Variants in SLC9A3 observed in about 807,000 individuals in gnomAD.
SLC9A3 encodes solute carrier family 9 member A3, also known as sodium/hydrogen exchanger 3.
A neutral mutation model predicts 86.8 loss-of-function variants in SLC9A3; 37 were observed. That is an observed-to-expected ratio of 0.43 (90% CI 0.33 to 0.56). The LOEUF (loss-of-function observed/expected upper bound fraction) is 0.56, where lower values mean the gene tolerates loss of function less well. SLC9A3 is among the 20% of genes least tolerant of loss of function. The probability of loss-of-function intolerance (pLI) is 0.06; values close to 1 mark genes in which losing one functional copy is unlikely to be tolerated. For missense variants in SLC9A3, 1,011 were observed against 1,171.9 expected, an observed-to-expected ratio of 0.86 and a Z score of 2.00; for synonymous variants, 581 against 528.3, an observed-to-expected ratio of 1.10 and a Z score of -1.37.
At chr5:519,335 A>C (rs1733818404) in intron 1 of SLC9A3, among the ~76,000 whole-genome samples, 1 of 152,170 alleles carries the variant, frequency 6.6e-6, no homozygotes, top group African/African-American at 2.4e-5. Flanking sequence ...GGAGAACCTA[A>C]GGGCAGTTCA....
Position 483,497 on chromosome 5 carries a change from G to C in SLC9A3, c.933-15C>G. 2 of 1,549,434 alleles carry C rather than the reference G, an allele frequency of 1.3e-6. No individual in the cohort carries two copies. The highest frequency in any genetic ancestry group is 2.7e-5 in the African/African-American group (2 of 73,336). On this transcript the variant is annotated splice_polypyrimidine_tract_variant and intron_variant, in intron 5 of 16. Transcript: ENST00000264938. The stretch of plus-strand genomic sequence containing the variant: ...AGAAGGTGATGCTGCAGGGACAGAC[G>C]CGCCTCAGGACACGGCCACCTGGCC...
intron 10 of SLC9A3, chr5:479,536 C>T: frequency 2.7e-6 from 1 of 364,616 alleles, no homozygotes; most frequent in Non-Finnish European, 5.2e-6. Context: ...TAACAGCCTG[C>T]CTGCTTACCG....
At chr5:523,681 G>T (rs1031906342) in intron 1 of SLC9A3, among the ~76,000 whole-genome samples, 17 of 151,942 alleles carry the variant, frequency 1.1e-4, no homozygotes, top group Non-Finnish European at 1.9e-4. Flanking sequence ...GTTTCATGCG[G>T]GTAGCACCGC....
intron 3 of SLC9A3, among the ~76,000 whole-genome samples, chr5:486,788 G>T (rs7713070): frequency 0.47 from 70,182 of 149,038 alleles, 17,478 homozygotes; most frequent in Middle Eastern, 0.59. Context: ...GGACGGCCAC[G>T]TGAGGACACG....
At chr5:473,443 C>T in intron 16 of SLC9A3, 61 bp from the exon 17 acceptor site, 1 of 1,309,386 alleles carries the variant, frequency 7.6e-7, no homozygotes, top group Non-Finnish European at 9.8e-7. Flanking sequence ...GGAGGGGCGT[C>T]CCCGGGGGCC....
intron 1 of SLC9A3, among the ~76,000 whole-genome samples, chr5:521,598 T>C (rs1733886425): frequency 6.6e-6 from 1 of 152,044 alleles, no homozygotes; most frequent in African/African-American, 2.4e-5. Flanking sequence ...ACTGAAAGAG[T>C]GTGGCCAACC....
chr5:483,186 G>T, intron 6 of SLC9A3, 76 bp downstream of exon 6: 1 of 1,165,902 alleles, frequency 8.6e-7, no homozygotes, highest in Non-Finnish European at 1.2e-6. Flanking sequence ...CCTGGGCCCA[G>T]TAGAAAGCCT....
Position 472,491 on chromosome 5 carries a change from G to A in SLC9A3, c.*888C>T, listed in dbSNP as rs1411945389. The A allele has an allele frequency of 3.0e-6, 1 of 334,196 alleles. No homozygotes were observed. The highest frequency in any genetic ancestry group is 5.9e-6 in the Non-Finnish European group (1 of 169,742). 20.7% of individuals were successfully genotyped at this position (334,196 alleles called of 1,614,324 possible). A position where few individuals can be genotyped will look rare whatever the true frequency, so the allele number is the denominator to read the frequency against. ...CTCACCCAGCCAGGGCACCCCGGGC[G>A]ACCTCCGCGCCAGGTGCGACAGCTC... is the stretch of plus-strand genomic sequence containing the variant. On this transcript the variant is annotated 3_prime_UTR_variant, in exon 17 of 17. Transcript: ENST00000264938.
At chr5:508,349 G>T (rs573960836) in intron 1 of SLC9A3, among the ~76,000 whole-genome samples, 471 of 132,156 alleles carry the variant, frequency 3.6e-3, no homozygotes, top group Middle Eastern at 0.015. Context: ...GCAGGGAGAC[G>T]CAGGCCTCAG....
intron 11 of SLC9A3, 174 bp downstream of exon 11, chr5:477,158 G>T: frequency 1.8e-6 from 1 of 567,280 alleles, no homozygotes; most frequent in Non-Finnish European, 3.2e-6. Context: ...AAGGGAGTCT[G>T]GCCACGGCCT....
At chr5:488,516 G>C in intron 2 of SLC9A3, 40 bp from the exon 3 acceptor site, 1 of 1,489,676 alleles carries the variant, frequency 6.7e-7, no homozygotes, top group South Asian at 1.3e-5. Flanking sequence ...TGCAGGGCCT[G>C]CCACCCGAGG....
At chr5:510,650 C>T (rs1560973434) in intron 1 of SLC9A3, among the ~76,000 whole-genome samples, 1 of 152,238 alleles carries the variant, frequency 6.6e-6, no homozygotes, top group African/African-American at 2.4e-5. Flanking sequence ...GCCCGCTACC[C>T]ACAGGCTGGA....
chr5:482,426 G>A (rs376914617), intron 7 of SLC9A3, 122 bp downstream of exon 7: 1 of 834,944 alleles, frequency 1.2e-6, no homozygotes, highest in Non-Finnish European at 1.9e-6. Context: ...ACGGCTCCTA[G>A]TTACTAAAAT....
intron 9 of SLC9A3, chr5:480,494 C>T (rs1739096284): frequency 6.4e-6 from 1 of 156,504 alleles, no homozygotes; most frequent in South Asian, 1.9e-4. Context: ...CCAGAGCCGC[C>T]CTCCAGGGCA....
At chr5:474,779 AGGGGTT>A (rs1249509435) in intron 16 of SLC9A3, 98 bp downstream of exon 16, 2 of 247,128 alleles carry the variant, frequency 8.1e-6, no homozygotes, top group African/African-American at 2.8e-4. Flanking sequence ...AGCTGCGGAG[AGGGGTT>A]AGGCGGGGAG....
chr5:477,642 C>T (rs375783861), intron 10 of SLC9A3, among the ~76,000 whole-genome samples, 198 bp from the exon 11 acceptor site: 9 of 152,320 alleles, frequency 5.9e-5, no homozygotes, highest in Middle Eastern at 3.4e-3. Flanking sequence ...AGCCCCTGTC[C>T]GTCTGAGGCC....
chr5:521,001 G>A (rs1303389408), intron 1 of SLC9A3, among the ~76,000 whole-genome samples: 1 of 152,196 alleles, frequency 6.6e-6, no homozygotes, highest in Non-Finnish European at 1.5e-5. Flanking sequence ...CAGGCTGGGG[G>A]CCCCCAAGGG....
At chr5:522,084 C>T (rs915116822) in intron 1 of SLC9A3, among the ~76,000 whole-genome samples, 11 of 142,834 alleles carry the variant, frequency 7.7e-5, no homozygotes, top group South Asian at 2.3e-4. Context: ...TGGGATACCG[C>T]GATGAGCTCC....
chr5:523,291 G>A (rs191633398), intron 1 of SLC9A3, among the ~76,000 whole-genome samples: 79 of 152,100 alleles, frequency 5.2e-4, no homozygotes, highest in Non-Finnish European at 9.6e-4. Flanking sequence ...GCCCCTCCTC[G>A]GCCCCAGCAT....
Sources: allele counts gnomAD v4.1 joint callset (sites outside exome capture counted in the v4.1 genomes callset), GRCh38; gene constraint gnomAD v4.1.1; transcripts MANE v1.5; gene names NCBI Gene and HGNC (gene_info 2026-07-23, HGNC 2026-07-21).